The following PCED1A variants were observed in gnomAD, a reference collection of about 807,000 sequenced individuals.
PCED1A encodes PC-esterase domain-containing protein 1A.
Under a neutral mutation model 41.9 loss-of-function variants are expected in PCED1A, and 20 were observed. The ratio of observed to expected loss-of-function variants is 0.48; its 90% CI spans 0.34 to 0.69. PCED1A has a LOEUF of 0.69. Among genes scored for constraint, PCED1A ranks in the 30% least tolerant of loss-of-function variants. The pLI is 0.01. For synonymous variants in PCED1A, 236 were observed against 241.3 expected, an observed-to-expected ratio of 0.98 and a Z score of 0.20; for missense variants, 498 against 602.1, an observed-to-expected ratio of 0.83 and a Z score of 1.81.
In PCED1A at chr20:2,839,960, C is replaced by T. The variant is rs376843598; in HGVS notation, c.-21-27G>A. 5.6e-5 allele frequency: 88 copies of T among 1,581,474 alleles called. No homozygotes were observed. In the African/African-American group the frequency reaches 9.7e-4, roughly 17 times the overall value. On this transcript the variant is annotated intron_variant, in intron 1 of 7. Transcript: ENST00000360652. ...TGCAGGGAGAGGCCACTAAGCAGCG[C>T]GATGGTGGGGACTCTGGGCAGGTCA... is the stretch of plus-strand genomic sequence containing the variant.
chr20:2,835,615 G>C lies in PCED1A; in HGVS notation c.1212C>G (p.His404Gln). The C allele has an allele frequency of 3.1e-6, 5 of 1,613,328 alleles. No individual in the cohort carries two copies. The highest frequency in any genetic ancestry group is 3.4e-6 in the Non-Finnish European group (4 of 1,179,414). Residue 404 changes from histidine to glutamine, a missense_variant, in exon 8 of 8, where the codon CAC (histidine) becomes CAG (glutamine). By Grantham distance (24) the His-to-Gln change is conservative. Around this residue, in one of 2 missense-constraint regions of PCED1A, gnomAD observed 245 missense variants for 232.4 expected, o/e 1.05. Coordinates refer to ENST00000360652, the MANE Select transcript of PCED1A (RefSeq NM_022760.6). ...PHGQHWGPVV[H>Q]RGMPRYVPNS... ...TAGGAACATAGCGTGGCATCCCCCGGTGGACCACTGGGCCCCAGTGCTGAC... is the reference window on the plus strand; with the variant it reads ...TAGGAACATAGCGTGGCATCCCCCGCTGGACCACTGGGCCCCAGTGCTGAC...
In PCED1A at chr20:2,840,495, G is replaced by C. The variant is rs987425884; in HGVS notation, c.-306C>G. Reference sequence around the variant, plus strand: ...ACAGCTTCCACTTCCGTTCACCCATGTCCCGCCCTGAGCGACCCCCAGTGC... The same window carrying C: ...ACAGCTTCCACTTCCGTTCACCCATCTCCCGCCCTGAGCGACCCCCAGTGC... On this transcript the variant is annotated 5_prime_UTR_variant, in exon 1 of 8. Coordinates refer to ENST00000360652, the MANE Select transcript of PCED1A (RefSeq NM_022760.6). 2.4e-5 allele frequency: 13 copies of C among 532,778 alleles called. No individual in the cohort carries two copies. The highest frequency in any genetic ancestry group is 4.0e-5 in the Non-Finnish European group (12 of 300,102). The allele number at this position is 532,778 out of a possible 1,614,324, so 33.0% of individuals were successfully genotyped here. A position where few individuals can be genotyped will look rare whatever the true frequency, so the allele number is the denominator to read the frequency against.
rs549450698 is a variant in PCED1A, at chr20:2,838,166, G to A, written c.841+66C>T. 8.8e-5 allele frequency: 141 copies of A among 1,607,728 alleles called. No individual in the cohort carries two copies. Among genetic ancestry groups the A allele is most frequent in the Non-Finnish European group, 1.2e-4 (136 of 1,177,322 alleles). Reference sequence around the variant, plus strand: ...CCCTTGAGTGGCTGTGTCCCATTCTGTTTCTGAGCCCTGTCCTCTGAGGGC... The same window carrying A: ...CCCTTGAGTGGCTGTGTCCCATTCTATTTCTGAGCCCTGTCCTCTGAGGGC... On this transcript the variant is annotated intron_variant, in intron 6 of 7. Transcript: ENST00000360652. The surrounding 1 kb of genome is among the most constrained non-coding windows in gnomAD (Gnocchi z 5.8).
intron 3 of PCED1A, 31 bp from the exon 4 acceptor site, chr20:2,839,113 C>T (rs1354230655): frequency 9.2e-7 from 1 of 1,087,318 alleles, no homozygotes; most frequent in East Asian, 4.7e-5. Context: ...ACTGGTCAGA[C>T]CCATGCCAGG....
In PCED1A at chr20:2,839,923, G is replaced by T. The variant is rs750745081; in HGVS notation, c.-11C>A. ...CAGACAGAAGACCATGCCGCCACCA[G>T]CAACGACAGGCTGCAGGGAGAGGCC... is the stretch of plus-strand genomic sequence containing the variant. On this transcript the variant is annotated 5_prime_UTR_variant, in exon 2 of 8. In the 5' UTR this introduces an upstream ATG that the reference lacks. Coordinates refer to ENST00000360652, the MANE Select transcript of PCED1A (RefSeq NM_022760.6). 3.1e-6 allele frequency: 5 copies of T among 1,609,628 alleles called. No individual in the cohort carries two copies. Among genetic ancestry groups the T allele is most frequent in the Non-Finnish European group, 4.2e-6 (5 of 1,178,766 alleles).
In PCED1A at chr20:2,840,581, C is replaced by A. The variant is rs1278051583; in HGVS notation, c.-392G>T. 2 of 626,706 alleles carry A rather than the reference C, an allele frequency of 3.2e-6. No individual in the cohort carries two copies. Among genetic ancestry groups the A allele is most frequent in the Non-Finnish European group, 5.6e-6 (2 of 359,554 alleles). The allele number at this position is 626,706 out of a possible 1,614,324, so 38.8% of individuals were successfully genotyped here. On this transcript the variant is annotated 5_prime_UTR_variant, in exon 1 of 8. Coordinates refer to ENST00000360652, the MANE Select transcript of PCED1A (RefSeq NM_022760.6). ...CAGGGCGCAGGAGCCAGGGCTGGGC[C>A]CACTTGGCGGGCGCGAAGCCCAGGT...
chr20:2,837,630 G>C (rs989512902), intron 6 of PCED1A, among the ~76,000 whole-genome samples: 2 of 152,150 alleles, frequency 1.3e-5, no homozygotes, highest in African/African-American at 4.8e-5. Context: ...CTCAAAACAA[G>C]GGGGAGTGGG....
chr20:2,835,424 G>A lies in PCED1A; in HGVS notation c.*38C>T. 1 of 1,569,988 alleles carries A rather than the reference G, an allele frequency of 6.4e-7. No homozygotes were observed. Among genetic ancestry groups the A allele is most frequent in the Middle Eastern group, 1.7e-4 (1 of 5,870 alleles). ...CCTGAGGTGCCAGGCAGGCCCTGAA[G>A]GGCCATTGGCACATCCAGTCCCAGC... On this transcript the variant is annotated 3_prime_UTR_variant, in exon 8 of 8. Coordinates refer to ENST00000360652, the MANE Select transcript of PCED1A (RefSeq NM_022760.6).
rs2088952095 is a variant in PCED1A at position 2,840,630 on chromosome 20, A to AGCCAAGTGAGGCTGCCC, written c.-458_-442dup. ...GTACGGGCTGGGGTCTCGGGGCGGC[A>AGCCAAGTGAGGCTGCCC]GCCAAGTGAGGCTGCCCACAGTGGT... On this transcript the variant is annotated 5_prime_UTR_variant, in exon 1 of 8. Coordinates refer to ENST00000360652, the MANE Select transcript of PCED1A (RefSeq NM_022760.6). 1 of 876,258 alleles carries AGCCAAGTGAGGCTGCCC rather than the reference A, an allele frequency of 1.1e-6. No homozygotes were observed. The highest frequency in any genetic ancestry group is 2.7e-5 in the East Asian group (1 of 36,630). 54.3% of individuals were successfully genotyped at this position (876,258 alleles called of 1,614,324 possible).
chr20:2,840,609 G>A lies in PCED1A; in HGVS notation c.-420C>T, dbSNP rs2088951217. On this transcript the variant is annotated 5_prime_UTR_variant, in exon 1 of 8. Transcript: ENST00000360652. ...CTTGGCGGGCGCGAAGCCCAGGTAC[G>A]GGCTGGGGTCTCGGGGCGGCAGCCA... The A allele has an allele frequency of 1.1e-5, 8 of 740,100 alleles. No homozygotes were observed. The highest frequency in any genetic ancestry group is 1.7e-5 in the South Asian group (1 of 59,246). 45.8% of individuals were successfully genotyped at this position (740,100 alleles called of 1,614,324 possible). A position where few individuals can be genotyped will look rare whatever the true frequency, so the allele number is the denominator to read the frequency against.
upstream of PCED1A, chr20:2,841,049 G>T: frequency 1.8e-6 from 1 of 568,024 alleles, no homozygotes; most frequent in Non-Finnish European, 3.1e-6. Flanking sequence ...TGGTCACCCC[G>T]AAGCCCAGGT....
chr20:2,835,410 A>G lies in PCED1A; in HGVS notation c.*52T>C. The G allele has an allele frequency of 6.4e-7, 1 of 1,554,818 alleles. No individual in the cohort carries two copies. The highest frequency in any genetic ancestry group is 8.7e-7 in the Non-Finnish European group (1 of 1,145,562). The stretch of plus-strand genomic sequence containing the variant: ...ACCCTAGCCCAGTACCTGAGGTGCC[A>G]GGCAGGCCCTGAAGGGCCATTGGCA... On this transcript the variant is annotated 3_prime_UTR_variant, in exon 8 of 8. Coordinates refer to ENST00000360652, the MANE Select transcript of PCED1A (RefSeq NM_022760.6).
chr20:2,836,081 TGAA>T lies in PCED1A; in HGVS notation c.1072_1074del (p.Phe358del), dbSNP rs1434785405. 1 of 1,519,340 alleles carries T rather than the reference TGAA, an allele frequency of 6.6e-7. No homozygotes were observed. The highest frequency in any genetic ancestry group is 8.8e-7 in the Non-Finnish European group (1 of 1,135,376). The allele number at this position is 1,519,340 out of a possible 1,614,324, so 94.1% of individuals were successfully genotyped here. On this transcript the variant is annotated inframe_deletion, in exon 7 of 8. Coordinates refer to ENST00000360652, the MANE Select transcript of PCED1A (RefSeq NM_022760.6). ...GAGAAGTCCTCCACTGGATTATAGT[TGAA>T]GAATTCATGGGGTGGGAAGGGCTGG... is the stretch of plus-strand genomic sequence containing the variant.
intron 6 of PCED1A, among the ~76,000 whole-genome samples, chr20:2,837,522 G>A (rs2088855609): frequency 6.6e-6 from 1 of 152,152 alleles, no homozygotes; most frequent in South Asian, 2.1e-4. Context: ...AATCAGCCAT[G>A]GTGCCCTCTT....
chr20:2,840,622 G>C lies in PCED1A; in HGVS notation c.-433C>G. 2 of 816,090 alleles carry C rather than the reference G, an allele frequency of 2.5e-6. No homozygotes were observed. The highest frequency in any genetic ancestry group is 4.0e-6 in the Non-Finnish European group (2 of 503,332). 50.6% of individuals were successfully genotyped at this position (816,090 alleles called of 1,614,324 possible). On this transcript the variant is annotated 5_prime_UTR_variant, in exon 1 of 8. Coordinates refer to ENST00000360652, the MANE Select transcript of PCED1A (RefSeq NM_022760.6). ...AAGCCCAGGTACGGGCTGGGGTCTC[G>C]GGGCGGCAGCCAAGTGAGGCTGCCC...
In PCED1A at chr20:2,835,689, A is replaced by T; in HGVS notation, c.1138T>A (p.Phe380Ile). 1.3e-6 allele frequency: 2 copies of T among 1,570,034 alleles called. No individual in the cohort carries two copies. The highest frequency in any genetic ancestry group is 1.7e-6 in the Non-Finnish European group (2 of 1,153,146). ...GGAGGTGGCAGAGGGCCAGGCACAA[A>T]GTTCACTCCAGGGCCACATCCTACA... ...PHLGCGPGVN[F>I]VPGPLPPPIP... Residue 380 changes from phenylalanine to isoleucine, a missense_variant, in exon 8 of 8, where the codon TTT becomes ATT. This residue lies in a region of PCED1A where 245 missense variants were observed against 232.4 expected (regional missense o/e 1.05). Transcript: ENST00000360652.
At chr20:2,840,736 T>C, upstream of PCED1A, 1 of 1,546,190 alleles carries the variant, frequency 6.5e-7, no homozygotes, top group Non-Finnish European at 8.7e-7. Flanking sequence ...TCTAGGTGGG[T>C]GTCCCCTCGG....
chr20:2,840,876 C>T, upstream of PCED1A: 7 of 1,523,608 alleles, frequency 4.6e-6, no homozygotes, highest in Non-Finnish European at 6.2e-6. Context: ...CCTGCTCGCC[C>T]GCCGGCTGGA....
intron 6 of PCED1A, among the ~76,000 whole-genome samples, chr20:2,836,611 A>G (rs1307082095): frequency 6.6e-6 from 1 of 152,142 alleles, no homozygotes; most frequent in Admixed American, 6.5e-5. Flanking sequence ...TCCTCCCCAT[A>G]GACCAGTAAA....
Sources: gnomAD v4.1 joint callset for allele counts (sites outside exome capture counted in the v4.1 genomes callset) on GRCh38, gnomAD v4.1.1 for gene constraint, gnomAD v4.1.1 regional missense constraint, Gnocchi (gnomAD v3.1) non-coding constraint, MANE v1.5 for transcripts, NCBI Gene and HGNC (gene_info 2026-07-23, HGNC 2026-07-21) for gene names.